PRKAG2: variants seen among roughly 807,000 people sequenced by gnomAD.
PRKAG2 encodes protein kinase AMP-activated non-catalytic subunit gamma 2, also known as 5'-AMP-activated protein kinase subunit gamma-2.
A neutral mutation model predicts 69.6 loss-of-function variants in PRKAG2; 26 were observed. That is an observed-to-expected ratio of 0.37 (90% CI 0.27 to 0.52). The LOEUF (loss-of-function observed/expected upper bound fraction) is 0.52, where lower values mean the gene tolerates loss of function less well. Among genes scored for constraint, PRKAG2 ranks in the 20% least tolerant of loss-of-function variants. The pLI is 0.90. For missense variants in PRKAG2, 557 were observed against 740.0 expected (o/e 0.75, Z 2.87); for synonymous variants, 293 against 285.0 (o/e 1.03, Z -0.28).
chr7:151,688,353 T>C (rs993831050), intron 3 of PRKAG2, among the ~76,000 whole-genome samples: 9 of 152,258 alleles, frequency 5.9e-5, no homozygotes, highest in Non-Finnish European at 5.9e-5. Context: ...GATGCCTGTT[T>C]ATAACACAGC....
intron 4 of PRKAG2, among the ~76,000 whole-genome samples, chr7:151,648,440 C>T (rs759872832): frequency 6.6e-6 from 1 of 152,150 alleles, no homozygotes; most frequent in Admixed American, 6.6e-5. Flanking sequence ...TGTGTGAGAA[C>T]AAGCGGAGTC....
chr7:151,675,611 T>C lies in PRKAG2; in HGVS notation c.493A>G (p.Thr165Ala), dbSNP rs753986944. ...TGCTGCTTGGTCACTTGGGTGGGTGTTGACGGAGAGGAGGAGAGGCCGGAG... is the reference window on the plus strand; with the variant it reads ...TGCTGCTTGGTCACTTGGGTGGGTGCTGACGGAGAGGAGGAGAGGCCGGAG... ...KTSGLSSSPS[T>A]PTQVTKQHTF... Residue 165 changes from threonine (T) to alanine (A), a missense_variant, in exon 4 of 16, where the codon ACA (threonine) becomes GCA (alanine). Transcript: ENST00000287878. 2.5e-6 allele frequency: 4 copies of C among 1,613,900 alleles called. No individual in the cohort carries two copies. The South Asian group carries it at 3.3e-5, about 13-fold the overall frequency.
intron 1 of PRKAG2, among the ~76,000 whole-genome samples, chr7:151,849,705 G>A (rs761501537): frequency 6.6e-6 from 1 of 152,042 alleles, no homozygotes; most frequent in African/African-American, 2.4e-5. Context: ...AGCCACCAGC[G>A]CACTCCTGTC....
chr7:151,692,624 T>A (rs1047064109), intron 3 of PRKAG2, among the ~76,000 whole-genome samples: 24 of 152,278 alleles, frequency 1.6e-4, no homozygotes, highest in African/African-American at 5.8e-4. Context: ...TAATCCTGAC[T>A]TTTACAACAG....
chr7:151,686,131 G>C (rs1834700171), intron 3 of PRKAG2, among the ~76,000 whole-genome samples: 2 of 152,164 alleles, frequency 1.3e-5, no homozygotes, highest in East Asian at 3.9e-4. Context: ...CTCAAACCTG[G>C]CTGGGCCAAA....
At chr7:151,673,524 A>C (rs1832407593) in intron 4 of PRKAG2, among the ~76,000 whole-genome samples, 1 of 152,132 alleles carries the variant, frequency 6.6e-6, no homozygotes, top group East Asian at 1.9e-4. Context: ...TCAGTTCCCA[A>C]TCAGATTGTA....
chr7:151,815,677 G>A (rs750108943), intron 1 of PRKAG2, among the ~76,000 whole-genome samples: 3 of 152,058 alleles, frequency 2.0e-5, no homozygotes, highest in Non-Finnish European at 4.4e-5. Flanking sequence ...TCCTTCCTTC[G>A]TGACACTCAT....
intron 1 of PRKAG2, among the ~76,000 whole-genome samples, chr7:151,811,694 G>A (rs1189837682): frequency 6.6e-6 from 1 of 152,210 alleles, no homozygotes; most frequent in Non-Finnish European, 1.5e-5. Flanking sequence ...GGGCTGCTGA[G>A]GCTTCAGGAC....
chr7:151,763,502 C>A (rs1456126565), intron 3 of PRKAG2, among the ~76,000 whole-genome samples: 1 of 152,240 alleles, frequency 6.6e-6, no homozygotes, highest in African/African-American at 2.4e-5. Context: ...CATCCACCTG[C>A]GCTTCTGACC....
Position 151,556,785 on chromosome 7 carries a change from G to A in PRKAG2, c.*416C>T, listed in dbSNP as rs1005863537. 1.1e-5 allele frequency: 2 copies of A among 177,798 alleles called. No individual in the cohort carries two copies. The highest frequency in any genetic ancestry group is 2.4e-5 in the Non-Finnish European group (2 of 82,820). The allele number at this position is 177,798 out of a possible 1,614,324, so 11.0% of individuals were successfully genotyped here. ...AAAGACTTCCACATTCAAGCTCGGT[G>A]TTGTTTCACACGCGTGCGCCCCGGC... On this transcript the variant is annotated 3_prime_UTR_variant, in exon 16 of 16. Coordinates refer to ENST00000287878, the MANE Select transcript of PRKAG2 (RefSeq NM_016203.4).
chr7:151,624,588 A>G (rs1243197818), intron 5 of PRKAG2, among the ~76,000 whole-genome samples: 1 of 152,182 alleles, frequency 6.6e-6, no homozygotes, highest in Admixed American at 6.5e-5. Flanking sequence ...CCTTAGCACA[A>G]GTGTAATCAC....
At chr7:151,789,056 A>T (rs2077149903) in intron 1 of PRKAG2, among the ~76,000 whole-genome samples, 1 of 152,120 alleles carries the variant, frequency 6.6e-6, no homozygotes, top group East Asian at 1.9e-4. Flanking sequence ...TTGTGGCCTT[A>T]TAGTAAGTTT....
chr7:151,871,224 G>A (rs1182546225), intron 1 of PRKAG2, among the ~76,000 whole-genome samples: 16 of 152,330 alleles, frequency 1.1e-4, no homozygotes, highest in South Asian at 4.1e-4. Flanking sequence ...GAAAGAGCAC[G>A]CTTGCTACCA....
chr7:151,571,778 A>G (rs1343590586), intron 9 of PRKAG2, among the ~76,000 whole-genome samples: 3 of 152,214 alleles, frequency 2.0e-5, no homozygotes, highest in Admixed American at 6.5e-5. Context: ...TATGGATTTG[A>G]AAGGGCCCCT....
intron 3 of PRKAG2, among the ~76,000 whole-genome samples, chr7:151,713,311 T>TC (rs565877692): frequency 7.9e-5 from 12 of 152,078 alleles, no homozygotes; most frequent in African/African-American, 2.9e-4. Flanking sequence ...CTGATATCTT[T>TC]CCCCCCACCC....
At chr7:151,713,243 C>T (rs553907703) in intron 3 of PRKAG2, among the ~76,000 whole-genome samples, 1 of 152,330 alleles carries the variant, frequency 6.6e-6, no homozygotes, top group South Asian at 2.1e-4. Flanking sequence ...TGCAGATCTA[C>T]ATCCCTCACA....
At chr7:151,791,352 C>G (rs2077266710) in intron 1 of PRKAG2, among the ~76,000 whole-genome samples, 1 of 152,178 alleles carries the variant, frequency 6.6e-6, no homozygotes, top group South Asian at 2.1e-4. Context: ...TGGATGTGCC[C>G]CATTCCCGTG....
intron 3 of PRKAG2, among the ~76,000 whole-genome samples, chr7:151,712,673 G>A (rs1795516871): frequency 1.3e-5 from 2 of 152,244 alleles, no homozygotes; most frequent in South Asian, 4.1e-4. Context: ...CCAAAAAAGG[G>A]AGTGCATGCA....
chr7:151,686,720 C>A (rs1834799492), intron 3 of PRKAG2, among the ~76,000 whole-genome samples: 1 of 152,192 alleles, frequency 6.6e-6, no homozygotes, highest in Admixed American at 6.5e-5. Context: ...ACTCTGGCCC[C>A]TTTATAGCTG....
Sources: allele counts gnomAD v4.1 joint callset (sites outside exome capture counted in the v4.1 genomes callset), GRCh38; gene constraint gnomAD v4.1.1; transcripts MANE v1.5; gene names NCBI Gene and HGNC (gene_info 2026-07-23, HGNC 2026-07-21).